The following CCDC73 variants were observed in gnomAD, a reference collection of about 807,000 sequenced individuals.
CCDC73 encodes the protein coiled-coil domain-containing protein 73.
In CCDC73, 95 loss-of-function variants were observed where a neutral mutation model predicts 116.5. The ratio of observed to expected loss-of-function variants is 0.82; its 90% CI spans 0.69 to 0.97. The LOEUF (loss-of-function observed/expected upper bound fraction) is 0.97. CCDC73 is among the 50% of genes least tolerant of loss of function. The pLI is 0.00. For synonymous variants in CCDC73, 398 were observed against 401.3 expected, an observed-to-expected ratio of 0.99 and a Z score of 0.10; for missense variants, 1,066 against 1,206.8, an observed-to-expected ratio of 0.88 and a Z score of 1.73.
chr11:32,762,556 A>G (rs1850401248), intron 1 of CCDC73, among the ~76,000 whole-genome samples: 1 of 152,318 alleles, frequency 6.6e-6, no homozygotes, highest in Non-Finnish European at 1.5e-5. Context: ...CCCACCTTCT[A>G]CAGGAGAGGT....
chr11:32,603,079 C>G (rs936362939), intron 17 of CCDC73, 59 bp from the exon 18 acceptor site: 9 of 1,370,222 alleles, frequency 6.6e-6, no homozygotes, highest in South Asian at 4.0e-5. Flanking sequence ...TTTAAAGAGT[C>G]TGTAAAGCCT....
At chr11:32,620,666 A>G (rs1855515753) in intron 14 of CCDC73, among the ~76,000 whole-genome samples, 1 of 150,130 alleles carries the variant, frequency 6.7e-6, no homozygotes, top group African/African-American at 2.5e-5. Context: ...GTTATATTTC[A>G]TTCATTAAAA....
At chr11:32,613,143 C>T (rs1855437462) in intron 16 of CCDC73, among the ~76,000 whole-genome samples, 1 of 151,960 alleles carries the variant, frequency 6.6e-6, no homozygotes, top group Admixed American at 6.6e-5. Context: ...CAAAGAAAGA[C>T]AACATAGGAG....
intron 9 of CCDC73, among the ~76,000 whole-genome samples, chr11:32,670,372 A>T (rs1856026704): frequency 6.6e-6 from 1 of 152,052 alleles, no homozygotes; most frequent in Non-Finnish European, 1.5e-5. Flanking sequence ...AATACAAAAA[A>T]TTAGCCCGGC....
intron 9 of CCDC73, among the ~76,000 whole-genome samples, chr11:32,667,767 G>A (rs1165975180): frequency 1.3e-5 from 2 of 152,326 alleles, no homozygotes; most frequent in African/African-American, 2.4e-5. Context: ...ACTGGGAGCT[G>A]TAGACTGGAG....
At chr11:32,769,658 G>C (rs1850474533) in intron 1 of CCDC73, among the ~76,000 whole-genome samples, 1 of 152,144 alleles carries the variant, frequency 6.6e-6, no homozygotes, top group South Asian at 2.1e-4. Flanking sequence ...ACTATAGAGA[G>C]GGGAGAAATT....
chr11:32,672,344 G>GA (rs1326973389), intron 9 of CCDC73, among the ~76,000 whole-genome samples: 1 of 151,734 alleles, frequency 6.6e-6, no homozygotes, highest in Non-Finnish European at 1.5e-5. Context: ...TCTGTCGAAA[G>GA]AAAAAAGAAA....
rs377204654 is a variant in CCDC73 at position 32,606,541 on chromosome 11, A to G, written c.3031-3521T>C. 3.3e-5 allele frequency among the ~76,000 whole-genome samples: 5 copies of G among 152,376 alleles called. No homozygotes were observed. The South Asian group carries it at 8.3e-4, about 25-fold the overall frequency. On this transcript the variant is annotated intron_variant, in intron 17 of 17. Transcript: ENST00000335185. ...CTTACCATAGTACTTGGCACATAGT[A>G]ATAAGCACTTAGAAAATGTCTATTC... is the stretch of plus-strand genomic sequence containing the variant.
intron 4 of CCDC73, among the ~76,000 whole-genome samples, 182 bp downstream of exon 4, chr11:32,702,691 T>C (rs972074745): frequency 1.3e-5 from 2 of 152,218 alleles, no homozygotes; most frequent in African/African-American, 4.8e-5. Context: ...TTTATGCTAC[T>C]ACTTTACATT....
intron 3 of CCDC73, among the ~76,000 whole-genome samples, chr11:32,703,778 T>G (rs1011845331): frequency 6.6e-6 from 1 of 152,216 alleles, no homozygotes; most frequent in Non-Finnish European, 1.5e-5. Flanking sequence ...TTTTTTCTCC[T>G]TCTCCCACCT....
intron 6 of CCDC73, among the ~76,000 whole-genome samples, chr11:32,698,428 G>C (rs1288518495): frequency 6.6e-6 from 1 of 152,068 alleles, no homozygotes; most frequent in Non-Finnish European, 1.5e-5. Flanking sequence ...AAATATTTTT[G>C]GCAAGAAAAT....
At chr11:32,680,359 C>G (rs910766638) in intron 7 of CCDC73, 2 of 152,106 alleles carry the variant, frequency 1.3e-5, no homozygotes, top group African/African-American at 4.8e-5. Context: ...GTTTTTCTAT[C>G]TGCATGAATC....
chr11:32,776,293 G>A (rs775424920), intron 1 of CCDC73, among the ~76,000 whole-genome samples: 5 of 151,874 alleles, frequency 3.3e-5, no homozygotes, highest in Non-Finnish European at 7.4e-5. Context: ...TCAATCTATT[G>A]TGCATATTTT....
chr11:32,808,775 G>A, the CCDC73 span, among the ~76,000 whole-genome samples: 2 of 152,090 alleles, frequency 1.3e-5, no homozygotes, highest in Non-Finnish European at 2.9e-5. Flanking sequence ...AAATTATTAT[G>A]GTTTTCCATA....
chr11:32,791,081 T>C (rs142726468), intron 1 of CCDC73, among the ~76,000 whole-genome samples: 1 of 152,220 alleles, frequency 6.6e-6, no homozygotes, highest in Non-Finnish European at 1.5e-5. Flanking sequence ...TAGTTTTATA[T>C]GAAATTAATC....
At chr11:32,701,085 G>A (rs1243139025) in intron 4 of CCDC73, among the ~76,000 whole-genome samples, 2 of 152,058 alleles carry the variant, frequency 1.3e-5, no homozygotes, top group Non-Finnish European at 2.9e-5. Context: ...TCCAACTCCA[G>A]GGCTCAAGGG....
intron 15 of CCDC73, among the ~76,000 whole-genome samples, chr11:32,615,632 C>G (rs1419027366): frequency 6.6e-6 from 1 of 152,134 alleles, no homozygotes; most frequent in African/African-American, 2.4e-5. Context: ...GGTTGTTCAG[C>G]CTGAGTTTGA....
chr11:32,615,044 A>G (rs1855462243), intron 15 of CCDC73, 102 bp from the exon 16 acceptor site: 1 of 653,084 alleles, frequency 1.5e-6, no homozygotes, highest in Non-Finnish European at 2.5e-6. Context: ...TTTAACCTTA[A>G]ATATTTTATG....
At chr11:32,819,839 T>C in the CCDC73 span, among the ~76,000 whole-genome samples, 3 of 152,198 alleles carry the variant, frequency 2.0e-5, no homozygotes, top group Non-Finnish European at 2.9e-5. Flanking sequence ...CATTTATCAT[T>C]ATATGGAGGT....
Sources: allele counts gnomAD v4.1 joint callset (sites outside exome capture counted in the v4.1 genomes callset), GRCh38; gene constraint gnomAD v4.1.1; transcripts MANE v1.5; gene names NCBI Gene and HGNC (gene_info 2026-07-23, HGNC 2026-07-21).